The following PLCG2 variants were observed in gnomAD, a reference collection of about 807,000 sequenced individuals.
The protein encoded by PLCG2 is 1-phosphatidylinositol 4,5-bisphosphate phosphodiesterase gamma-2.
PLCG2 carries 69 observed loss-of-function variants against 175.6 expected under a neutral mutation model. That is an observed-to-expected ratio of 0.39 (90% CI 0.32 to 0.48). The LOEUF (loss-of-function observed/expected upper bound fraction) is 0.48. Ranked by LOEUF, PLCG2 falls within the 20% of genes least tolerant of loss-of-function variation. The pLI, the probability that PLCG2 is intolerant of heterozygous loss-of-function variation, is 0.91. For synonymous variants in PLCG2, 827 were observed against 624.0 expected (o/e 1.33, Z -4.85); for missense variants, 1,798 against 1,650.9 (o/e 1.09, Z -1.54).
intron 2 of PLCG2, among the ~76,000 whole-genome samples, chr16:81,819,438 C>T (rs979586560): frequency 2.0e-5 from 3 of 152,176 alleles, no homozygotes; most frequent in Non-Finnish European, 4.4e-5. Flanking sequence ...AAGGATTTGG[C>T]TTGGGGCACC....
chr16:81,907,172 AAAAG>A (rs1327738039), intron 15 of PLCG2, among the ~76,000 whole-genome samples: 2 of 152,144 alleles, frequency 1.3e-5, no homozygotes, highest in African/African-American at 4.8e-5. Flanking sequence ...GTTATTAAAA[AAAAG>A]AGTTTCTGCA....
chr16:81,887,541 C>T (rs1239707150), intron 9 of PLCG2, among the ~76,000 whole-genome samples: 3 of 152,202 alleles, frequency 2.0e-5, no homozygotes, highest in African/African-American at 7.2e-5. Flanking sequence ...GGCCCCTGAT[C>T]CAGGCATATT....
chr16:81,896,156 C>CT (rs1170241460), intron 13 of PLCG2, among the ~76,000 whole-genome samples: 4 of 152,140 alleles, frequency 2.6e-5, no homozygotes, highest in African/African-American at 9.7e-5. Context: ...CGAGGAGGCT[C>CT]TGGCTGGGGA....
chr16:81,856,241 C>G (rs780347838), intron 3 of PLCG2, among the ~76,000 whole-genome samples: 2 of 152,146 alleles, frequency 1.3e-5, no homozygotes, highest in East Asian at 1.9e-4. Context: ...GGTGTACGGA[C>G]TGATAAAGTA....
At chr16:81,951,787 A>C (rs1911376650) in intron 31 of PLCG2, among the ~76,000 whole-genome samples, 2 of 152,252 alleles carry the variant, frequency 1.3e-5, no homozygotes. Flanking sequence ...TTAGCAACAA[A>C]TTAAATATGA....
At chr16:81,863,895 C>T (rs1288311939) in intron 5 of PLCG2, among the ~76,000 whole-genome samples, 1 of 152,126 alleles carries the variant, frequency 6.6e-6, no homozygotes, top group Non-Finnish European at 1.5e-5. Context: ...TGGGTGAGTC[C>T]ATTTATCTCA....
At chr16:81,948,262 T>G (rs1911230402) in intron 31 of PLCG2, among the ~76,000 whole-genome samples, 1 of 152,152 alleles carries the variant, frequency 6.6e-6, no homozygotes, top group Non-Finnish European at 1.5e-5. Flanking sequence ...ATATCCCATC[T>G]TGCCATTAAC....
intron 2 of PLCG2, among the ~76,000 whole-genome samples, chr16:81,769,222 C>G (rs1910219428): frequency 2.0e-5 from 3 of 152,186 alleles, no homozygotes; most frequent in African/African-American, 7.2e-5. Context: ...GCAGGTAAAA[C>G]CCCCTTACCA....
In PLCG2 at chr16:81,905,456, G is replaced by A. The variant is rs970172747; in HGVS notation, c.1416G>A (p.Lys472=). The change falls in exon 15 of 33, where the codon AAG becomes AAA. Residue 472 remains lysine, a synonymous_variant. Coordinates refer to ENST00000564138, the MANE Select transcript of PLCG2 (RefSeq NM_002661.5). The stretch of plus-strand genomic sequence containing the variant: ...TGGATGTCAACATGGAGGACAAGAA[G>A]GACGAACACAAGCAACAGGGGGAGC... The part of the protein sequence containing the change: ...GDVDVNMEDK[K]DEHKQQGELY... 1 of 1,614,178 alleles carries A rather than the reference G, an allele frequency of 6.2e-7. No individual in the cohort carries two copies. The highest frequency in any genetic ancestry group is 1.7e-5 in the Admixed American group (1 of 60,020).
At chr16:81,908,014 T>C (rs1016620803) in intron 16 of PLCG2, among the ~76,000 whole-genome samples, 2 of 152,192 alleles carry the variant, frequency 1.3e-5, no homozygotes, top group African/African-American at 4.8e-5. Context: ...AAGTGCCTGA[T>C]TGGCCTTAGA....
At chr16:81,754,326 C>G (rs1172685177) in intron 1 of PLCG2, among the ~76,000 whole-genome samples, 2 of 79,942 alleles carry the variant, frequency 2.5e-5, no homozygotes, top group Non-Finnish European at 5.1e-5. Flanking sequence ...CTTCCCCTGT[C>G]ACCTCCTTCC....
At chr16:81,832,552 G>T (rs986100847) in intron 2 of PLCG2, among the ~76,000 whole-genome samples, 1 of 151,342 alleles carries the variant, frequency 6.6e-6, no homozygotes, top group Non-Finnish European at 1.5e-5. Context: ...ACCATGCCCA[G>T]CTAATTTGTG....
Position 81,908,525 on chromosome 16 carries a change from G to T in PLCG2, c.1667G>T (p.Gly556Val), listed in dbSNP as rs1567527514. 6 of 1,613,774 alleles carry T rather than the reference G, an allele frequency of 3.7e-6. No individual in the cohort carries two copies. The highest frequency in any genetic ancestry group is 5.1e-6 in the Non-Finnish European group (6 of 1,179,990). ...LLQEYCMETG[G>V]KDGTFLVRES... is the part of the protein sequence containing the mutation. ...CAGGAATACTGCATGGAGACGGGGG[G>T]CAAGGATGGCACCTTCCTGGTTCGG... The change falls in exon 17 of 33, where the codon GGC (glycine) becomes GTC (valine). Residue 556 changes from glycine (G) to valine (V), a missense_variant. Coordinates refer to ENST00000564138, the MANE Select transcript of PLCG2 (RefSeq NM_002661.5).
At chr16:81,814,194 A>G (rs1295058893) in intron 2 of PLCG2, among the ~76,000 whole-genome samples, 1 of 152,104 alleles carries the variant, frequency 6.6e-6, no homozygotes, top group Non-Finnish European at 1.5e-5. Context: ...GGGGAATGGT[A>G]CCGGGTCTGA....
chr16:81,891,712 A>G lies in PLCG2; in HGVS notation c.986+122A>G, dbSNP rs542668684. ...AAGCAGGTGGAGGGTGTAGCACCGCATTCCTTGGACTAAAATACACAGAAG... is the reference window on the plus strand; with the variant it reads ...AAGCAGGTGGAGGGTGTAGCACCGCGTTCCTTGGACTAAAATACACAGAAG... On this transcript the variant is annotated intron_variant, in intron 11 of 32. Coordinates refer to ENST00000564138, the MANE Select transcript of PLCG2 (RefSeq NM_002661.5). 1.6e-4 allele frequency: 100 copies of G among 630,612 alleles called. No individual in the cohort carries two copies. In the South Asian group the frequency reaches 1.7e-3, roughly 11 times the overall value. The allele number at this position is 630,612 out of a possible 1,614,324, so 39.1% of individuals were successfully genotyped here.
intron 2 of PLCG2, among the ~76,000 whole-genome samples, chr16:81,801,195 C>T (rs376460484): frequency 5.7e-4 from 87 of 152,196 alleles, no homozygotes; most frequent in African/African-American, 2.0e-3. Flanking sequence ...ACCCCGCAAC[C>T]AACTTAGATG....
upstream of PLCG2, among the ~76,000 whole-genome samples, chr16:81,778,044 A>AAAAC (rs1910509361): frequency 2.4e-5 from 2 of 83,780 alleles, no homozygotes; most frequent in African/African-American, 5.6e-5. Flanking sequence ...AAAAAAAAAC[A>AAAAC]AAAAAAAAAA....
intron 7 of PLCG2, among the ~76,000 whole-genome samples, chr16:81,871,650 T>C (rs1464554236): frequency 6.6e-6 from 1 of 152,172 alleles, no homozygotes; most frequent in Non-Finnish European, 1.5e-5. Flanking sequence ...TTATATACTT[T>C]TATTCATATT....
At chr16:81,828,649 G>C (rs1357877285) in intron 2 of PLCG2, among the ~76,000 whole-genome samples, 1 of 152,054 alleles carries the variant, frequency 6.6e-6, no homozygotes, top group Admixed American at 6.6e-5. Flanking sequence ...CTTGAGAAAA[G>C]GTTGCTTTTA....
Sources: allele counts gnomAD v4.1 joint callset (sites outside exome capture counted in the v4.1 genomes callset), GRCh38; gene constraint gnomAD v4.1.1; transcripts MANE v1.5; gene names NCBI Gene and HGNC (gene_info 2026-07-23, HGNC 2026-07-21).